The following PLXDC2 variants were observed in gnomAD, a reference collection of about 807,000 sequenced individuals.
PLXDC2 encodes the protein plexin domain-containing protein 2.
In PLXDC2, 40 loss-of-function variants were observed where a neutral mutation model predicts 68.9. That is an observed-to-expected ratio of 0.58 (90% CI 0.45 to 0.76). PLXDC2 has a LOEUF of 0.76. Ranked by LOEUF, PLXDC2 falls within the 30% of genes least tolerant of loss-of-function variation. The pLI is 0.00. For missense variants in PLXDC2, 644 were observed against 661.9 expected, an observed-to-expected ratio of 0.97 and a Z score of 0.30; for synonymous variants, 243 against 234.2, an observed-to-expected ratio of 1.04 and a Z score of -0.34.
intron 1 of PLXDC2, among the ~76,000 whole-genome samples, chr10:19,819,568 A>G (rs1836426268): frequency 6.6e-6 from 1 of 152,234 alleles, no homozygotes; most frequent in Admixed American, 6.5e-5. Flanking sequence ...ACAACATCTG[A>G]TTTCATAACA....
At chr10:19,899,934 A>G (rs1312405564) in intron 1 of PLXDC2, among the ~76,000 whole-genome samples, 1 of 152,182 alleles carries the variant, frequency 6.6e-6, no homozygotes, top group Non-Finnish European at 1.5e-5. Flanking sequence ...ACTTTTTGCC[A>G]CATTTTCCTA....
chr10:19,845,942 C>T (rs1316305682), intron 1 of PLXDC2, among the ~76,000 whole-genome samples: 3 of 152,156 alleles, frequency 2.0e-5, no homozygotes, highest in African/African-American at 7.2e-5. Context: ...TTTAGTTAGT[C>T]TTCAATCTGG....
intron 9 of PLXDC2, among the ~76,000 whole-genome samples, chr10:20,180,559 A>ATT (rs577820505): frequency 6.6e-6 from 1 of 151,930 alleles, no homozygotes; most frequent in East Asian, 1.9e-4. Context: ...TGCCCCTCTG[A>ATT]TTTTTTTCTC....
intron 2 of PLXDC2, among the ~76,000 whole-genome samples, chr10:20,017,872 G>A (rs1035622638): frequency 6.6e-6 from 1 of 152,232 alleles, no homozygotes; most frequent in Admixed American, 6.5e-5. Flanking sequence ...AGACCACATA[G>A]CATGAGTTAT....
intron 4 of PLXDC2, among the ~76,000 whole-genome samples, chr10:20,110,483 A>G (rs1462517982): frequency 6.6e-6 from 1 of 152,116 alleles, no homozygotes; most frequent in East Asian, 1.9e-4. Flanking sequence ...GGTAGTATTT[A>G]TACTGTGGAA....
intron 13 of PLXDC2, among the ~76,000 whole-genome samples, chr10:20,261,722 C>T (rs1369003344): frequency 2.6e-5 from 4 of 152,032 alleles, no homozygotes; most frequent in South Asian, 2.1e-4. Flanking sequence ...GGGGTGGTAG[C>T]GCATGCCTGT....
intron 6 of PLXDC2, among the ~76,000 whole-genome samples, chr10:20,151,783 T>A (rs1264133753): frequency 1.3e-5 from 2 of 152,090 alleles, no homozygotes; most frequent in Non-Finnish European, 2.9e-5. Context: ...AATTTTCTGT[T>A]CCTGTCCAAG....
intron 2 of PLXDC2, among the ~76,000 whole-genome samples, chr10:20,021,208 G>T (rs556651206): frequency 9.9e-5 from 15 of 151,682 alleles, no homozygotes; most frequent in African/African-American, 2.9e-4. Context: ...TTGTTTGTTT[G>T]TTTGTTTTTG....
intron 1 of PLXDC2, among the ~76,000 whole-genome samples, chr10:19,846,270 A>T (rs913422423): frequency 6.6e-6 from 1 of 152,170 alleles, no homozygotes; most frequent in Non-Finnish European, 1.5e-5. Flanking sequence ...AGGAGGATAA[A>T]ATAAAATAAA....
intron 1 of PLXDC2, among the ~76,000 whole-genome samples, chr10:19,996,876 A>T (rs1033920222): frequency 6.6e-6 from 1 of 152,088 alleles, no homozygotes; most frequent in Non-Finnish European, 1.5e-5. Flanking sequence ...GAACCATCAG[A>T]TCTCATGGGA....
chr10:20,267,458 A>C (rs2119374912), intron 13 of PLXDC2, among the ~76,000 whole-genome samples: 1 of 152,272 alleles, frequency 6.6e-6, no homozygotes, highest in South Asian at 2.1e-4. Context: ...ATTTGCAAAA[A>C]TTCCAGCTTT....
chr10:20,257,042 G>T (rs11011915), intron 13 of PLXDC2, among the ~76,000 whole-genome samples: 1,523 of 151,998 alleles, frequency 0.01, 15 homozygotes, highest in Non-Finnish European at 0.016. Context: ...TTAGACCAAG[G>T]TAGGTGACTT....
chr10:20,164,920 A>G (rs1299996963), intron 7 of PLXDC2, among the ~76,000 whole-genome samples: 1 of 152,082 alleles, frequency 6.6e-6, no homozygotes, highest in Non-Finnish European at 1.5e-5. Context: ...GGCTCAAATG[A>G]TCCTCCTACC....
intron 4 of PLXDC2, among the ~76,000 whole-genome samples, chr10:20,115,307 C>T (rs553443521): frequency 3.3e-5 from 5 of 152,232 alleles, no homozygotes; most frequent in East Asian, 3.9e-4. Flanking sequence ...CTTCCTTTTG[C>T]GAGATGGTCT....
At chr10:20,265,276 A>G (rs1168757326) in intron 13 of PLXDC2, among the ~76,000 whole-genome samples, 2 of 152,200 alleles carry the variant, frequency 1.3e-5, no homozygotes, top group African/African-American at 4.8e-5. Context: ...AAATGACCAG[A>G]AAGACATCAT....
chr10:19,928,380 A>T (rs547336977), intron 1 of PLXDC2, among the ~76,000 whole-genome samples: 2 of 152,364 alleles, frequency 1.3e-5, no homozygotes, highest in African/African-American at 4.8e-5. Context: ...TGATGGACAC[A>T]ATATACCATT....
intron 1 of PLXDC2, among the ~76,000 whole-genome samples, chr10:19,832,757 T>C (rs1215436184): frequency 6.6e-6 from 1 of 152,166 alleles, no homozygotes; most frequent in East Asian, 1.9e-4. Flanking sequence ...AAACCAATAC[T>C]TGTGGTTGCA....
chr10:19,820,073 G>T (rs1048900163), intron 1 of PLXDC2, among the ~76,000 whole-genome samples: 2 of 152,190 alleles, frequency 1.3e-5, no homozygotes, highest in African/African-American at 4.8e-5. Flanking sequence ...TTTGGAGCTT[G>T]AGGTTGGGTA....
intron 4 of PLXDC2, among the ~76,000 whole-genome samples, chr10:20,073,522 C>T (rs1300062755): frequency 6.6e-6 from 1 of 152,106 alleles, no homozygotes; most frequent in Admixed American, 6.5e-5. Flanking sequence ...CATTTATAAA[C>T]TATAAAAATA....
Sources: gnomAD v4.1 joint callset for allele counts (sites outside exome capture counted in the v4.1 genomes callset) on GRCh38, gnomAD v4.1.1 for gene constraint, MANE v1.5 for transcripts, NCBI Gene and HGNC (gene_info 2026-07-23, HGNC 2026-07-21) for gene names.